Variants in TMEM255B observed in about 807,000 individuals in gnomAD.
TMEM255B encodes the protein family with sequence similarity 70, member B.
Under a neutral mutation model 34.5 loss-of-function variants are expected in TMEM255B, and 35 were observed. The observed-to-expected ratio is 1.01, with a 90% CI of 0.77 to 1.34. TMEM255B has a LOEUF of 1.34. TMEM255B is among the 40% of genes most tolerant of loss of function. The pLI is 0.00. For missense variants in TMEM255B, 432 were observed against 433.2 expected (o/e 1.00, Z 0.02); for synonymous variants, 206 against 201.2 (o/e 1.02, Z -0.20).
intron 3 of TMEM255B, among the ~76,000 whole-genome samples, chr13:113,774,720 TACAC>T (rs2050537385): frequency 1.0e-5 from 1 of 98,220 alleles, no homozygotes; most frequent in African/African-American, 4.3e-5. Flanking sequence ...ACACACCACA[TACAC>T]TACACACACG....
rs1417980671 is a variant in TMEM255B, at chr13:113,799,351, C to T, written c.355C>T (p.Leu119Phe). The T allele has an allele frequency of 6.2e-7, 1 of 1,613,994 alleles. No individual in the cohort carries two copies. Among genetic ancestry groups the T allele is most frequent in the Non-Finnish European group, 8.5e-7 (1 of 1,180,040 alleles). The change falls in exon 5 of 9, where the codon CTC becomes TTC. Residue 119 changes from leucine (L) to phenylalanine (F), a missense_variant. Physicochemically the swap from Leu to Phe is conservative, Grantham distance 22 (BLOSUM62 0). Coordinates refer to ENST00000375353, the MANE Select transcript of TMEM255B (RefSeq NM_182614.4). ...FAAQHIEPRPLTTGRCQFYSS... is the reference protein window; with the variant it reads ...FAAQHIEPRPFTTGRCQFYSS... ...TCTGTTTCTCTAGGAACCGAGGCCC[C>T]TCACCACGGGAAGATGCCAGTTTTA...
chr13:113,795,261 A>T (rs968785520), intron 4 of TMEM255B, 24 bp downstream of exon 4: 1 of 1,605,268 alleles, frequency 6.2e-7, no homozygotes, highest in Non-Finnish European at 8.5e-7. Context: ...CATTGTGTGC[A>T]CAGTCGCTTT....
At position 113,812,004 on chromosome 13, in the gene TMEM255B, G is replaced by A; in HGVS notation, c.*101G>A. On this transcript the variant is annotated 3_prime_UTR_variant, in exon 9 of 9. Transcript: ENST00000375353. Reference sequence around the variant, plus strand: ...GTGGCCAACCTCCTAGAGAACCCGGGAGAATGTTCCAGAAGTCTGTCCCCT... The same window carrying A: ...GTGGCCAACCTCCTAGAGAACCCGGAAGAATGTTCCAGAAGTCTGTCCCCT... 3 of 1,409,804 alleles carry A rather than the reference G, an allele frequency of 2.1e-6. No homozygotes were observed. Among genetic ancestry groups the A allele is most frequent in the Non-Finnish European group, 2.9e-6 (3 of 1,039,074 alleles). 87.3% of individuals were successfully genotyped at this position (1,409,804 alleles called of 1,614,324 possible).
At chr13:113,790,533 C>T (rs1033831967) in intron 3 of TMEM255B, among the ~76,000 whole-genome samples, 3 of 126,970 alleles carry the variant, frequency 2.4e-5, no homozygotes, top group African/African-American at 6.1e-5. Flanking sequence ...TGACCGGACA[C>T]GTGGACATCC....
At chr13:113,768,065 A>C in intron 2 of TMEM255B, 1 of 400,696 alleles carries the variant, frequency 2.5e-6, no homozygotes, top group South Asian at 1.8e-5. Flanking sequence ...TATTTACATA[A>C]AGAAGTCCGG....
chr13:113,809,665 C>T (rs566138834), intron 8 of TMEM255B, among the ~76,000 whole-genome samples: 175 of 150,476 alleles, frequency 1.2e-3, no homozygotes, highest in Non-Finnish European at 2.0e-3. Context: ...CTGAGTTTTA[C>T]TCCGTGGTTC....
At chr13:113,779,522 G>A (rs927621805) in intron 3 of TMEM255B, among the ~76,000 whole-genome samples, 1 of 151,948 alleles carries the variant, frequency 6.6e-6, no homozygotes, top group Non-Finnish European at 1.5e-5. Flanking sequence ...TGGAAGAGGT[G>A]GATTTGTTCC....
chr13:113,801,940 C>A, intron 7 of TMEM255B, 128 bp downstream of exon 7: 1 of 1,112,564 alleles, frequency 9.0e-7, no homozygotes, highest in Non-Finnish European at 1.3e-6. Flanking sequence ...ATGCGTCTGT[C>A]AGCAGGGTGT....
rs74654665 is a variant in TMEM255B, at chr13:113,811,960, C to G, written c.*57C>G. ...TTTTTTTTTTTAAAAAAAAGGCAGC[C>G]TCTAGAAATCCCGCTTCTGTGGCCA... On this transcript the variant is annotated 3_prime_UTR_variant, in exon 9 of 9. Transcript: ENST00000375353. The G allele has an allele frequency of 2.3e-3, 3,533 of 1,523,502 alleles. 67 individuals carry two copies. The African/African-American group carries it at 0.044, about 19-fold the overall frequency. The allele number at this position is 1,523,502 out of a possible 1,614,324, so 94.4% of individuals were successfully genotyped here.
At chr13:113,764,736 G>C (rs2050361416) in intron 1 of TMEM255B, among the ~76,000 whole-genome samples, 1 of 152,246 alleles carries the variant, frequency 6.6e-6, no homozygotes, top group African/African-American at 2.4e-5. Context: ...CAACTGTGGA[G>C]AGCACAGGGG....
intron 3 of TMEM255B, among the ~76,000 whole-genome samples, chr13:113,772,899 A>G (rs893077609): frequency 1.3e-5 from 2 of 152,146 alleles, no homozygotes; most frequent in Non-Finnish European, 1.5e-5. Context: ...TTGCAATTCC[A>G]TATGAATTTT....
chr13:113,800,428 G>A (rs1055197851), intron 5 of TMEM255B, among the ~76,000 whole-genome samples: 7 of 151,922 alleles, frequency 4.6e-5, no homozygotes, highest in South Asian at 2.1e-4. Context: ...GCTCAAGCCT[G>A]GGGGGAGAGC....
chr13:113,764,762 T>C (rs1259913731), intron 1 of TMEM255B, among the ~76,000 whole-genome samples: 1 of 152,196 alleles, frequency 6.6e-6, no homozygotes, highest in Non-Finnish European at 1.5e-5. Flanking sequence ...GTGGCTACTA[T>C]ACTCAGTGTG....
chr13:113,802,512 G>A (rs989096120), intron 7 of TMEM255B, among the ~76,000 whole-genome samples: 2 of 152,194 alleles, frequency 1.3e-5, no homozygotes, highest in Admixed American at 6.5e-5. Context: ...GCCCAGGGAC[G>A]AGGGGCGCCC....
intron 7 of TMEM255B, among the ~76,000 whole-genome samples, chr13:113,804,311 C>A (rs886144159): frequency 6.6e-6 from 1 of 152,202 alleles, no homozygotes; most frequent in Non-Finnish European, 1.5e-5. Context: ...CCCAGAAACC[C>A]CACGCTGGTT....
chr13:113,808,308 A>G (rs1437488413), intron 8 of TMEM255B, among the ~76,000 whole-genome samples: 3 of 152,196 alleles, frequency 2.0e-5, no homozygotes, highest in African/African-American at 7.2e-5. Context: ...TTTGCCAGGC[A>G]TGAAGTGCAG....
chr13:113,773,153 C>G (rs943540308), intron 3 of TMEM255B, among the ~76,000 whole-genome samples: 1 of 152,126 alleles, frequency 6.6e-6, no homozygotes, highest in Non-Finnish European at 1.5e-5. Context: ...GAAGTACTTA[C>G]CAAATTAAAT....
At position 113,806,726 on chromosome 13, in the gene TMEM255B, G is replaced by A. The variant is rs568057643; in HGVS notation, c.813+1698G>A. Among the ~76,000 whole-genome samples, 5 of 152,058 alleles carry A rather than the reference G, an allele frequency of 3.3e-5. No individual in the cohort carries two copies. The highest frequency in any genetic ancestry group is 2.1e-4 in the South Asian group (1 of 4,814). On this transcript the variant is annotated intron_variant, in intron 8 of 8. Coordinates refer to ENST00000375353, the MANE Select transcript of TMEM255B (RefSeq NM_182614.4). The surrounding 1 kb of genome is among the most constrained non-coding windows in gnomAD (Gnocchi z 4.2). ...GGACGTCCCCATCATGGCAGGGACC[G>A]TGCCCCCAGGGCCACAGCCCTGTCC...
At position 113,770,708 on chromosome 13, in the gene TMEM255B, A is replaced by G. The variant is rs1430242824; in HGVS notation, c.252+1548A>G. The stretch of plus-strand genomic sequence containing the variant: ...CCGAGGGTGGGCGTCACAGCTGACC[A>G]GGGTGGGCAAAGGCCTCACACACAC... On this transcript the variant is annotated intron_variant, in intron 3 of 8. Transcript: ENST00000375353. This position sits in a 1 kb window ranked among gnomAD's most constrained non-coding sequence, Gnocchi z 4.6. Among the ~76,000 whole-genome samples the G allele has an allele frequency of 6.6e-6, 1 of 152,014 alleles. No individual in the cohort carries two copies. Among genetic ancestry groups the G allele is most frequent in the Non-Finnish European group, 1.5e-5 (1 of 67,990 alleles).
Sources: gnomAD v4.1 joint callset for allele counts (sites outside exome capture counted in the v4.1 genomes callset) on GRCh38, gnomAD v4.1.1 for gene constraint, Gnocchi (gnomAD v3.1) non-coding constraint, MANE v1.5 for transcripts, NCBI Gene and HGNC (gene_info 2026-07-23, HGNC 2026-07-21) for gene names.